HHAT: variants seen among roughly 807,000 people sequenced by gnomAD.
The protein encoded by HHAT is hedgehog acyltransferase.
In HHAT, 47 loss-of-function variants were observed where a neutral mutation model predicts 70.8. That is an observed-to-expected ratio of 0.66 (90% CI 0.53 to 0.85). HHAT has a LOEUF of 0.85. Among genes scored for constraint, HHAT ranks in the 40% least tolerant of loss-of-function variants. The pLI is 0.00. For synonymous variants in HHAT, 228 were observed against 247.6 expected, an observed-to-expected ratio of 0.92 and a Z score of 0.74; for missense variants, 609 against 604.8, an observed-to-expected ratio of 1.01 and a Z score of -0.07.
rs1320883355 is a variant in HHAT at position 210,473,553 on chromosome 1, G to T, written c.1007+8898G>T. The stretch of plus-strand genomic sequence containing the variant: ...AGTCACTGACTGGGTGAATGGTGTG[G>T]GGCCACTGGGGGCTTCTGTTCTTAC... On this transcript the variant is annotated intron_variant, in intron 8 of 11. Coordinates refer to ENST00000261458, the MANE Select transcript of HHAT (RefSeq NM_018194.6). 2.6e-5 allele frequency among the ~76,000 whole-genome samples: 4 copies of T among 152,126 alleles called. No homozygotes were observed. The East Asian group carries it at 7.7e-4, about 29-fold the overall frequency.
At chr1:210,597,177 C>A (rs1250844535) in intron 10 of HHAT, among the ~76,000 whole-genome samples, 1 of 152,186 alleles carries the variant, frequency 6.6e-6, no homozygotes, top group Non-Finnish European at 1.5e-5. Context: ...TACTTTCTCC[C>A]AGACAAATGG....
chr1:210,558,222 CA>C (rs751457456), intron 9 of HHAT, among the ~76,000 whole-genome samples: 1 of 152,140 alleles, frequency 6.6e-6, no homozygotes, highest in Non-Finnish European at 1.5e-5. Flanking sequence ...GATAAAAAGC[CA>C]AGTGAATAGA....
chr1:210,587,748 G>A (rs1660790503), intron 9 of HHAT, 150 bp from the exon 10 acceptor site: 1 of 653,096 alleles, frequency 1.5e-6, no homozygotes, highest in South Asian at 1.9e-5. Context: ...CTCCTTGTGG[G>A]ATGGAGAATC....
intron 4 of HHAT, among the ~76,000 whole-genome samples, chr1:210,394,631 TGACGG>T: frequency 6.6e-6 from 1 of 152,268 alleles, no homozygotes; most frequent in Middle Eastern, 3.4e-3. Flanking sequence ...ACTGTGCCTC[TGACGG>T]GAGAACCCAC....
intron 4 of HHAT, among the ~76,000 whole-genome samples, chr1:210,390,207 A>G (rs2091364829): frequency 6.6e-6 from 1 of 152,170 alleles, no homozygotes; most frequent in South Asian, 2.1e-4. Context: ...ACCAAAACAG[A>G]GCTCAGAGAG....
chr1:210,672,750 A>T (rs1000787484), intron 11 of HHAT, among the ~76,000 whole-genome samples: 1 of 152,222 alleles, frequency 6.6e-6, no homozygotes, highest in South Asian at 2.1e-4. Context: ...TGTTAATTTT[A>T]AAAAAAGAAG....
At chr1:210,556,930 C>T (rs779278977) in intron 9 of HHAT, among the ~76,000 whole-genome samples, 16 of 152,194 alleles carry the variant, frequency 1.1e-4, no homozygotes, top group Non-Finnish European at 1.8e-4. Flanking sequence ...AAGCAGTTTC[C>T]TCTTTTAAAT....
At chr1:210,440,601 A>C (rs1292298634) in intron 7 of HHAT, among the ~76,000 whole-genome samples, 1 of 151,840 alleles carries the variant, frequency 6.6e-6, no homozygotes, top group Non-Finnish European at 1.5e-5. Flanking sequence ...TGGGCAGTGC[A>C]TCCTAGTATT....
chr1:210,556,517 C>T (rs2095574107), intron 9 of HHAT, among the ~76,000 whole-genome samples: 1 of 152,218 alleles, frequency 6.6e-6, no homozygotes, highest in South Asian at 2.1e-4. Context: ...GATCTGCCAA[C>T]CTGTACTGCC....
intron 11 of HHAT, among the ~76,000 whole-genome samples, chr1:210,624,971 C>T (rs903995381): frequency 6.6e-6 from 1 of 152,206 alleles, no homozygotes; most frequent in African/African-American, 2.4e-5. Flanking sequence ...GCTTTTGCTG[C>T]AGCTCTTTTC....
chr1:210,423,055 AATG>A (rs2092953041), intron 7 of HHAT, among the ~76,000 whole-genome samples: 1 of 152,210 alleles, frequency 6.6e-6, no homozygotes, highest in Admixed American at 6.5e-5. Flanking sequence ...TCTTGAATAT[AATG>A]ATCTCCTTTT....
intron 9 of HHAT, among the ~76,000 whole-genome samples, chr1:210,558,517 A>T (rs1456775146): frequency 6.6e-6 from 1 of 152,160 alleles, no homozygotes; most frequent in Non-Finnish European, 1.5e-5. Context: ...GTTTGTAATG[A>T]TTGTAGAGGG....
At chr1:210,558,578 G>A in intron 9 of HHAT, among the ~76,000 whole-genome samples, 1 of 152,168 alleles carries the variant, frequency 6.6e-6, no homozygotes, top group East Asian at 1.9e-4. Flanking sequence ...CCACAGGCAG[G>A]AAATTGATGA....
intron 7 of HHAT, among the ~76,000 whole-genome samples, chr1:210,447,533 G>C (rs1362569371): frequency 6.6e-6 from 1 of 152,204 alleles, no homozygotes; most frequent in Non-Finnish European, 1.5e-5. Context: ...GTCAGAATTA[G>C]ACAAGGAAAC....
chr1:210,387,572 G>A lies in HHAT; in HGVS notation c.264G>A (p.Leu88=). Residue 88 remains leucine (L), a synonymous_variant, in exon 4 of 12, where the codon CTG becomes CTA. Coordinates refer to ENST00000261458, the MANE Select transcript of HHAT (RefSeq NM_018194.6). ...HMVVSQMATL[L]ARKHRPWILM... ...TAGTGTCTCAAATGGCCACACTGCT[G>A]GCAAGAAAGGTATGATTATATGTGT... 1.2e-6 allele frequency: 2 copies of A among 1,612,110 alleles called. No individual in the cohort carries two copies. Among genetic ancestry groups the A allele is most frequent in the Non-Finnish European group, 1.7e-6 (2 of 1,178,276 alleles).
At chr1:210,545,913 C>T (rs1378309994) in intron 9 of HHAT, among the ~76,000 whole-genome samples, 2 of 152,212 alleles carry the variant, frequency 1.3e-5, no homozygotes, top group African/African-American at 2.4e-5. Context: ...GCAGGGACCA[C>T]GTATAATTTT....
At chr1:210,419,251 G>A (rs1292932853) in intron 7 of HHAT, among the ~76,000 whole-genome samples, 2 of 152,244 alleles carry the variant, frequency 1.3e-5, no homozygotes, top group Non-Finnish European at 1.5e-5. Flanking sequence ...AATAAATGGC[G>A]TGTGTGTATT....
chr1:210,508,749 C>CA (rs2094905345), intron 8 of HHAT, among the ~76,000 whole-genome samples: 1 of 152,162 alleles, frequency 6.6e-6, no homozygotes, highest in African/African-American at 2.4e-5. Flanking sequence ...AGCTCAAAAA[C>CA]AAAATATATG....
chr1:210,382,034 A>G (rs576534170), intron 3 of HHAT, among the ~76,000 whole-genome samples: 6 of 152,354 alleles, frequency 3.9e-5, no homozygotes, highest in African/African-American at 1.2e-4. Context: ...AATTTTAGCC[A>G]TCTCTTGTGA....
Sources: allele counts gnomAD v4.1 joint callset (sites outside exome capture counted in the v4.1 genomes callset), GRCh38; gene constraint gnomAD v4.1.1; transcripts MANE v1.5; gene names NCBI Gene and HGNC (gene_info 2026-07-23, HGNC 2026-07-21).